Variants in SPAG16 observed in about 807,000 individuals in gnomAD.
SPAG16 encodes sperm associated antigen 16.
SPAG16 carries 86 observed loss-of-function variants against 80.4 expected under a neutral mutation model. The ratio of observed to expected loss-of-function variants is 1.07; its 90% CI spans 0.90 to 1.28. The LOEUF (loss-of-function observed/expected upper bound fraction) is 1.28. Among genes scored for constraint, SPAG16 ranks in the 50% most tolerant of loss-of-function variants. The probability of loss-of-function intolerance (pLI) is 0.00; values close to 1 mark genes in which losing one functional copy is unlikely to be tolerated. For synonymous variants in SPAG16, 294 were observed against 265.9 expected, an observed-to-expected ratio of 1.11 and a Z score of -1.03; for missense variants, 870 against 765.3, an observed-to-expected ratio of 1.14 and a Z score of -1.61.
intron 10 of SPAG16, among the ~76,000 whole-genome samples, chr2:213,839,375 G>A (rs940177037): frequency 5.9e-5 from 9 of 152,110 alleles, no homozygotes; most frequent in Non-Finnish European, 1.2e-4. Flanking sequence ...CTACATATAT[G>A]AGAAAACATT....
intron 11 of SPAG16, among the ~76,000 whole-genome samples, chr2:213,929,007 T>C (rs2078630081): frequency 1.6e-5 from 2 of 127,624 alleles, no homozygotes; most frequent in African/African-American, 3.0e-5. Context: ...TTTCTTTTTT[T>C]TTTTTTTTTT....
intron 15 of SPAG16, among the ~76,000 whole-genome samples, chr2:214,319,712 C>T (rs1695967876): frequency 6.6e-6 from 1 of 152,064 alleles, no homozygotes; most frequent in African/African-American, 2.4e-5. Context: ...TCTTCTCTTC[C>T]TCACATCTCA....
chr2:213,533,828 T>A (rs922359105), intron 10 of SPAG16, among the ~76,000 whole-genome samples: 3 of 152,156 alleles, frequency 2.0e-5, no homozygotes, highest in Non-Finnish European at 4.4e-5. Context: ...ATCATGTATT[T>A]ATGCATAAAC....
intron 12 of SPAG16, among the ~76,000 whole-genome samples, chr2:213,961,948 A>T (rs372944133): frequency 6.6e-6 from 1 of 152,012 alleles, no homozygotes; most frequent in Non-Finnish European, 1.5e-5. Context: ...AAGTTTCTGA[A>T]GTATTGATAT....
At chr2:214,368,452 A>C (rs1699617971) in intron 15 of SPAG16, among the ~76,000 whole-genome samples, 1 of 151,998 alleles carries the variant, frequency 6.6e-6, no homozygotes, top group Admixed American at 6.6e-5. Context: ...TAGAGACTTC[A>C]TTTTTCTTTT....
At chr2:214,240,559 A>G (rs1689388618) in intron 15 of SPAG16, 1 of 152,188 alleles carries the variant, frequency 6.6e-6, no homozygotes, top group South Asian at 2.1e-4. Flanking sequence ...TCAGAATGAC[A>G]ATCAAGATAG....
intron 11 of SPAG16, among the ~76,000 whole-genome samples, chr2:213,928,220 G>A (rs1414551393): frequency 1.3e-5 from 2 of 151,604 alleles, no homozygotes; most frequent in Middle Eastern, 3.4e-3. Flanking sequence ...GAGTAGCTGG[G>A]ATTACAGGCA....
At chr2:213,866,160 T>C (rs1357805362) in intron 11 of SPAG16, among the ~76,000 whole-genome samples, 1 of 151,666 alleles carries the variant, frequency 6.6e-6, no homozygotes, top group Non-Finnish European at 1.5e-5. Flanking sequence ...AGTGTTAGAA[T>C]AAAACAGGTA....
At chr2:214,123,742 G>T (rs963925896) in intron 14 of SPAG16, among the ~76,000 whole-genome samples, 2 of 151,968 alleles carry the variant, frequency 1.3e-5, no homozygotes, top group Non-Finnish European at 2.9e-5. Flanking sequence ...TTCTCTGAGA[G>T]AATAAAGAAA....
intron 15 of SPAG16, among the ~76,000 whole-genome samples, chr2:214,298,643 G>T (rs1020881530): frequency 6.6e-6 from 1 of 152,134 alleles, no homozygotes; most frequent in African/African-American, 2.4e-5. Context: ...CAAGAAAATG[G>T]GCTGAAGGGT....
chr2:213,774,145 T>C (rs2069426834), intron 10 of SPAG16, among the ~76,000 whole-genome samples: 1 of 152,188 alleles, frequency 6.6e-6, no homozygotes, highest in African/African-American at 2.4e-5. Flanking sequence ...TTTTGGTCTC[T>C]TTATCTTGAC....
chr2:214,351,226 T>A (rs1044138124), intron 15 of SPAG16, among the ~76,000 whole-genome samples: 26 of 152,288 alleles, frequency 1.7e-4, no homozygotes, highest in South Asian at 1.2e-3. Context: ...AGAGAAAGAA[T>A]AAGGTTAGTA....
intron 15 of SPAG16, among the ~76,000 whole-genome samples, chr2:214,357,058 T>C (rs1177663308): frequency 3.3e-5 from 5 of 151,916 alleles, no homozygotes; most frequent in African/African-American, 1.2e-4. Context: ...TCCTTCTGTC[T>C]CCTTCTGTCT....
At chr2:214,163,051 C>A (rs1486316351) in intron 15 of SPAG16, among the ~76,000 whole-genome samples, 1 of 152,050 alleles carries the variant, frequency 6.6e-6, no homozygotes, top group Non-Finnish European at 1.5e-5. Flanking sequence ...CTTGAGATCT[C>A]AGTTTCTGAC....
chr2:214,029,626 T>C (rs548988958), intron 13 of SPAG16, among the ~76,000 whole-genome samples: 14 of 151,910 alleles, frequency 9.2e-5, no homozygotes, highest in African/African-American at 3.1e-4. Flanking sequence ...AAGAAAAGAA[T>C]GTGGAGAAGA....
At chr2:213,656,218 C>T (rs2063216707) in intron 10 of SPAG16, among the ~76,000 whole-genome samples, 1 of 152,142 alleles carries the variant, frequency 6.6e-6, no homozygotes, top group African/African-American at 2.4e-5. Context: ...GTTTTTGGGA[C>T]GGAGTCTCGC....
intron 10 of SPAG16, among the ~76,000 whole-genome samples, chr2:213,581,442 C>G (rs1258996531): frequency 6.6e-6 from 1 of 152,046 alleles, no homozygotes; most frequent in African/African-American, 2.4e-5. Context: ...TGGTCTTGAA[C>G]TGGGTTCAAC....
At chr2:214,126,039 CTTCCTTCCTTCCTTCCTTCCTTT>C (rs2054472841) in intron 14 of SPAG16, among the ~76,000 whole-genome samples, 7 of 18,548 alleles carry the variant, frequency 3.8e-4, no homozygotes, top group African/African-American at 1.4e-3. Context: ...TCCTTCCTTC[CTTCCTTCCTTCCTTCCTTCCTTT>C]TTTTTTTTTT....
At chr2:213,623,077 G>C (rs2061842173) in intron 10 of SPAG16, among the ~76,000 whole-genome samples, 1 of 152,106 alleles carries the variant, frequency 6.6e-6, no homozygotes, top group Admixed American at 6.6e-5. Flanking sequence ...GCTAGGTGTA[G>C]ATATTCATAT....
Sources: allele counts gnomAD v4.1 joint callset (sites outside exome capture counted in the v4.1 genomes callset), GRCh38; gene constraint gnomAD v4.1.1; transcripts MANE v1.5; gene names NCBI Gene and HGNC (gene_info 2026-07-23, HGNC 2026-07-21).